SIPA1L3: variants seen among roughly 807,000 people sequenced by gnomAD.
The protein encoded by SIPA1L3 is signal-induced proliferation-associated 1-like protein 3.
A neutral mutation model predicts 150.1 loss-of-function variants in SIPA1L3; 59 were observed. The observed-to-expected ratio is 0.39, with a 90% CI of 0.32 to 0.49. SIPA1L3 has a LOEUF of 0.49. Ranked by LOEUF, SIPA1L3 falls within the 20% of genes least tolerant of loss-of-function variation. The probability of loss-of-function intolerance (pLI) is 0.86; values close to 1 mark genes in which losing one functional copy is unlikely to be tolerated. For missense variants in SIPA1L3, 2,211 were observed against 2,489.5 expected, an observed-to-expected ratio of 0.89 and a Z score of 2.38; for synonymous variants, 1,070 against 1,077.6, an observed-to-expected ratio of 0.99 and a Z score of 0.14.
At chr19:38,097,395 A>G (rs749895254) in intron 4 of SIPA1L3, among the ~76,000 whole-genome samples, 1 of 152,188 alleles carries the variant, frequency 6.6e-6, no homozygotes, top group Non-Finnish European at 1.5e-5. Flanking sequence ...GAAGTTCAAA[A>G]ATAGACAGAT....
rs746094333 is a variant in SIPA1L3 at position 38,119,444 on chromosome 19, C to A, written c.2430C>A (p.Ser810=). The change falls in exon 9 of 22, where the codon TCC becomes TCA. Residue 810 remains serine, a synonymous_variant. Coordinates refer to ENST00000222345, the MANE Select transcript of SIPA1L3 (RefSeq NM_015073.3). ...ACGCTGAGAACGCCGCGCACAAGTC[C>A]GACAAGTTCCACACCATGGCCACCA... is the stretch of plus-strand genomic sequence containing the variant. The part of the protein sequence containing the change: ...VINAENAAHK[S]DKFHTMATRT... 19 of 1,614,012 alleles carry A rather than the reference C, an allele frequency of 1.2e-5. No homozygotes were observed. Among genetic ancestry groups the A allele is most frequent in the Non-Finnish European group, 1.5e-5 (18 of 1,180,048 alleles).
Position 38,142,641 on chromosome 19 carries a change from G to T in SIPA1L3, c.3464G>T (p.Arg1155Leu). Reference sequence around the variant, plus strand: ...GGGGCCGACAGAGTCCCTCCCTACCGACAGCCTTCTGGGAGCTTCTCCACC... The same window carrying T: ...GGGGCCGACAGAGTCCCTCCCTACCTACAGCCTTCTGGGAGCTTCTCCACC... ...PAGADRVPPY[R>L]QPSGSFSTPG... The change falls in exon 12 of 22, where the codon CGA becomes CTA. Residue 1155 changes from arginine to leucine, a missense_variant. Arg to Leu is a moderately radical substitution (Grantham distance 102). Coordinates refer to ENST00000222345, the MANE Select transcript of SIPA1L3 (RefSeq NM_015073.3). 2 of 1,613,942 alleles carry T rather than the reference G, an allele frequency of 1.2e-6. No individual in the cohort carries two copies. The highest frequency in any genetic ancestry group is 1.7e-6 in the Non-Finnish European group (2 of 1,179,938).
chr19:38,165,352 G>A (rs1292278160), intron 15 of SIPA1L3, among the ~76,000 whole-genome samples: 3 of 152,168 alleles, frequency 2.0e-5, no homozygotes, highest in Non-Finnish European at 4.4e-5. Flanking sequence ...GGCAGAGCCA[G>A]GCTAGTGCTG....
chr19:37,912,691 C>T (rs2046386364), intron 1 of SIPA1L3, among the ~76,000 whole-genome samples: 1 of 151,994 alleles, frequency 6.6e-6, no homozygotes, highest in South Asian at 2.1e-4. Context: ...GATAGGGTCT[C>T]ACACTATGTT....
At chr19:37,930,385 T>A (rs2046543285) in intron 1 of SIPA1L3, among the ~76,000 whole-genome samples, 1 of 151,576 alleles carries the variant, frequency 6.6e-6, no homozygotes, top group Middle Eastern at 3.3e-3. Context: ...CTCGAACTCC[T>A]GGGGCTCAAG....
chr19:37,913,570 A>AT (rs1345918233), intron 1 of SIPA1L3, among the ~76,000 whole-genome samples: 3 of 151,844 alleles, frequency 2.0e-5, no homozygotes, highest in Non-Finnish European at 2.9e-5. Context: ...TGATTTTTGT[A>AT]TTTTTAGTAG....
intron 1 of SIPA1L3, among the ~76,000 whole-genome samples, chr19:37,946,505 G>C (rs2046713531): frequency 6.6e-6 from 1 of 152,164 alleles, no homozygotes; most frequent in African/African-American, 2.4e-5. Context: ...ACATTTATTT[G>C]ATTTCTGGTG....
intron 1 of SIPA1L3, among the ~76,000 whole-genome samples, chr19:38,023,664 T>C (rs1475842877): frequency 6.6e-6 from 1 of 152,146 alleles, no homozygotes; most frequent in East Asian, 1.9e-4. Flanking sequence ...GCTCTGGCGG[T>C]CTAGAAAGGA....
chr19:38,192,342 C>G (rs768638147), intron 17 of SIPA1L3, 32 bp downstream of exon 17: 83 of 1,551,504 alleles, frequency 5.3e-5, no homozygotes, highest in Non-Finnish European at 6.9e-5. Context: ...GCTCCCGACC[C>G]CCAGCTCCCA....
intron 2 of SIPA1L3, among the ~76,000 whole-genome samples, chr19:38,045,465 G>A (rs1021985578): frequency 3.3e-5 from 5 of 151,818 alleles, no homozygotes; most frequent in Non-Finnish European, 5.9e-5. Context: ...ACAGCCACTC[G>A]AGAGGCTAAG....
chr19:38,165,501 A>G (rs1475625211), intron 15 of SIPA1L3, among the ~76,000 whole-genome samples: 1 of 152,166 alleles, frequency 6.6e-6, no homozygotes. Flanking sequence ...GAAGAGGGGA[A>G]AGTTGGAAGC....
intron 2 of SIPA1L3, among the ~76,000 whole-genome samples, chr19:38,071,348 G>A (rs1053989224): frequency 5.3e-5 from 8 of 152,116 alleles, no homozygotes; most frequent in East Asian, 1.9e-4. Context: ...GTACAGTGGC[G>A]TGATCTCGGC....
intron 1 of SIPA1L3, among the ~76,000 whole-genome samples, chr19:37,952,647 T>C (rs2145556343): frequency 6.6e-6 from 1 of 152,238 alleles, no homozygotes; most frequent in East Asian, 1.9e-4. Flanking sequence ...CACTCCAGCC[T>C]GAGGAACAGA....
chr19:38,195,206 C>T (rs1247541639), intron 18 of SIPA1L3, among the ~76,000 whole-genome samples: 1 of 152,206 alleles, frequency 6.6e-6, no homozygotes, highest in Non-Finnish European at 1.5e-5. Context: ...TCAGGGCATC[C>T]TGCACGGCTG....
intron 9 of SIPA1L3, among the ~76,000 whole-genome samples, chr19:38,121,069 C>T (rs1160285199): frequency 6.6e-6 from 1 of 152,068 alleles, no homozygotes; most frequent in Non-Finnish European, 1.5e-5. Flanking sequence ...TTGCTGGGTG[C>T]AGTGGCTCAT....
chr19:38,183,752 CT>C (rs1224693977), intron 16 of SIPA1L3, among the ~76,000 whole-genome samples: 9 of 151,914 alleles, frequency 5.9e-5, no homozygotes, highest in African/African-American at 2.2e-4. Flanking sequence ...ACTGAAACCC[CT>C]TGATGTTGAG....
At chr19:38,044,331 A>G (rs62121391) in intron 2 of SIPA1L3, among the ~76,000 whole-genome samples, 19,785 of 152,176 alleles carry the variant, frequency 0.13, 1,529 homozygotes, top group South Asian at 0.27. Flanking sequence ...GGGAGAAGGA[A>G]AAGTAGGGGT....
intron 7 of SIPA1L3, among the ~76,000 whole-genome samples, chr19:38,107,809 T>C (rs1970655352): frequency 6.6e-6 from 1 of 152,056 alleles, no homozygotes; most frequent in Non-Finnish European, 1.5e-5. Context: ...AAACCCCATC[T>C]TTACTAAAAA....
chr19:38,080,275 G>A (rs960255980), intron 2 of SIPA1L3, among the ~76,000 whole-genome samples: 3 of 152,158 alleles, frequency 2.0e-5, no homozygotes, highest in African/African-American at 7.2e-5. Context: ...CAGAGCAGGT[G>A]GACAATAGTC....
Sources: gnomAD v4.1 joint callset for allele counts (sites outside exome capture counted in the v4.1 genomes callset) on GRCh38, gnomAD v4.1.1 for gene constraint, MANE v1.5 for transcripts, NCBI Gene and HGNC (gene_info 2026-07-23, HGNC 2026-07-21) for gene names.